SPTBN1: variants seen among roughly 807,000 people sequenced by gnomAD.
SPTBN1 encodes the protein spectrin beta chain, non-erythrocytic 1.
In SPTBN1, 32 loss-of-function variants were observed where a neutral mutation model predicts 266.4. That is an observed-to-expected ratio of 0.12 (90% CI 0.09 to 0.16). The LOEUF is 0.16. SPTBN1 is among the 10% of genes least tolerant of loss of function. The probability of loss-of-function intolerance (pLI) is 1.00; values close to 1 mark genes in which losing one functional copy is unlikely to be tolerated. For synonymous variants in SPTBN1, 1,336 were observed against 1,162.2 expected, an observed-to-expected ratio of 1.15 and a Z score of -3.04; for missense variants, 2,296 against 3,067.1, an observed-to-expected ratio of 0.75 and a Z score of 5.94.
chr2:54,526,693 CT>C, intron 2 of SPTBN1, 127 bp downstream of exon 2: 1 of 1,192,746 alleles, frequency 8.4e-7, no homozygotes, highest in Non-Finnish European at 1.1e-6. Flanking sequence ...TAAATGTGTC[CT>C]TGAGAGCCAG....
intron 1 of SPTBN1, among the ~76,000 whole-genome samples, chr2:54,491,651 GC>G (rs146225503): frequency 0.036 from 5,420 of 152,036 alleles, 274 homozygotes; most frequent in East Asian, 0.13. Flanking sequence ...GTGCAGTGGT[GC>G]AAACACACTT....
intron 1 of SPTBN1, among the ~76,000 whole-genome samples, chr2:54,489,959 G>A (rs1240569799): frequency 6.6e-6 from 1 of 152,090 alleles, no homozygotes; most frequent in Non-Finnish European, 1.5e-5. Context: ...TTCTAGCTGT[G>A]TTTCTATAAG....
At chr2:54,499,406 G>A (rs1669136127) in intron 1 of SPTBN1, among the ~76,000 whole-genome samples, 1 of 152,152 alleles carries the variant, frequency 6.6e-6, no homozygotes, top group Admixed American at 6.5e-5. Context: ...CATTCATGTA[G>A]TACTAAAAGT....
At chr2:54,588,645 TCACTAGTGCA>T (rs1421837970) in intron 2 of SPTBN1, among the ~76,000 whole-genome samples, 1 of 152,170 alleles carries the variant, frequency 6.6e-6, no homozygotes, top group Non-Finnish European at 1.5e-5. Context: ...TAATGCAGCA[TCACTAGTGCA>T]CACCTGGGCT....
At chr2:54,477,608 CATTACG>C (rs1232016977) in intron 1 of SPTBN1, among the ~76,000 whole-genome samples, 3 of 152,074 alleles carry the variant, frequency 2.0e-5, no homozygotes, top group African/African-American at 4.8e-5. Flanking sequence ...TTCCTGCTGC[CATTACG>C]ATTAAGACTG....
chr2:54,659,249 C>CGAGTCCCAGCAGCAGTGGT lies in SPTBN1; in HGVS notation c.6353_6356+15dup. 6.2e-7 allele frequency: 1 copy of CGAGTCCCAGCAGCAGTGGT among 1,613,992 alleles called. No individual in the cohort carries two copies. The highest frequency in any genetic ancestry group is 8.5e-7 in the Non-Finnish European group (1 of 1,179,976). Reference sequence around the variant, plus strand: ...CGAGCACGAAGGTTTCAGAGGAAGCCGAGTCCCAGCAGCAGTGGTGAGTCC... The same window carrying CGAGTCCCAGCAGCAGTGGT: ...CGAGCACGAAGGTTTCAGAGGAAGCCGAGTCCCAGCAGCAGTGGTGAGTCCCAGCAGCAGTGGTGAGTCC... On this transcript the variant is annotated frameshift_variant, in exon 31 of 36. Coordinates refer to ENST00000356805, the MANE Select transcript of SPTBN1 (RefSeq NM_003128.3). LOFTEE classifies it high-confidence loss of function.
chr2:54,610,856 CTG>C (rs1677160209), intron 3 of SPTBN1, among the ~76,000 whole-genome samples: 2 of 152,198 alleles, frequency 1.3e-5, no homozygotes, highest in East Asian at 1.9e-4. Context: ...GCACTAGACA[CTG>C]TGAAAAATAC....
At chr2:54,494,506 G>A (rs1266828637) in intron 1 of SPTBN1, among the ~76,000 whole-genome samples, 3 of 152,200 alleles carry the variant, frequency 2.0e-5, no homozygotes, top group Non-Finnish European at 4.4e-5. Flanking sequence ...TCCATCATGG[G>A]TGAATGGATA....
chr2:54,565,640 T>TA (rs1673613105), intron 2 of SPTBN1, among the ~76,000 whole-genome samples: 3 of 152,316 alleles, frequency 2.0e-5, no homozygotes, highest in Middle Eastern at 3.4e-3. Flanking sequence ...AATTTAACCT[T>TA]AAAAAACAAA....
At chr2:54,630,722 C>T in intron 15 of SPTBN1, 133 bp from the exon 16 acceptor site, 1 of 1,112,144 alleles carries the variant, frequency 9.0e-7, no homozygotes, top group Non-Finnish European at 1.2e-6. Context: ...AGATGATTTT[C>T]CAAAAAAGCA....
At position 54,645,217 on chromosome 2, in the gene SPTBN1, C is replaced by T; in HGVS notation, c.4270-12C>T. 1.2e-6 allele frequency: 2 copies of T among 1,613,916 alleles called. No individual in the cohort carries two copies. The highest frequency in any genetic ancestry group is 1.7e-6 in the Non-Finnish European group (2 of 1,179,832). The stretch of plus-strand genomic sequence containing the variant: ...TCTGTGCTGAGCGCTGAGGCTGCTT[C>T]TCTGCCCTCAGATGCTGGAGAATCA... On this transcript the variant is annotated splice_polypyrimidine_tract_variant and intron_variant, in intron 20 of 35. Coordinates refer to ENST00000356805, the MANE Select transcript of SPTBN1 (RefSeq NM_003128.3). This position sits in a 1 kb window ranked among gnomAD's most constrained non-coding sequence, Gnocchi z 4.3.
chr2:54,476,534 C>T lies in SPTBN1; in HGVS notation c.-48+20016C>T, dbSNP rs555515195. ...AGGCCTCTTTAGTGAAGGTCGTCTC[C>T]GAGCTGTTGTATCCTAACAGGCATT... On this transcript the variant is annotated intron_variant, in intron 1 of 35. Coordinates refer to ENST00000356805, the MANE Select transcript of SPTBN1 (RefSeq NM_003128.3). 1.6e-4 allele frequency among the ~76,000 whole-genome samples: 25 copies of T among 152,262 alleles called. No homozygotes were observed. The East Asian group carries it at 2.9e-3, about 18-fold the overall frequency.
chr2:54,624,627 A>C (rs1678208640), intron 10 of SPTBN1, among the ~76,000 whole-genome samples, 177 bp from the exon 11 acceptor site: 1 of 152,222 alleles, frequency 6.6e-6, no homozygotes, highest in African/African-American at 2.4e-5. Context: ...GGATACACTG[A>C]GAGAAAAACC....
chr2:54,572,654 A>C (rs1258568422), intron 2 of SPTBN1, among the ~76,000 whole-genome samples: 1 of 152,208 alleles, frequency 6.6e-6, no homozygotes, highest in Non-Finnish European at 1.5e-5. Context: ...CTTTACAAAA[A>C]ATCTTTGTTT....
chr2:54,599,029 A>T, intron 2 of SPTBN1, 63 bp from the exon 3 acceptor site: 2 of 1,578,146 alleles, frequency 1.3e-6, no homozygotes, highest in East Asian at 4.5e-5. Context: ...TGGCCCTGCT[A>T]GCATGTGCCT....
intron 1 of SPTBN1, among the ~76,000 whole-genome samples, chr2:54,465,167 G>A (rs1013418923): frequency 1.3e-5 from 2 of 152,196 alleles, no homozygotes; most frequent in African/African-American, 4.8e-5. Context: ...CAATGATACA[G>A]TGTGTAAGTT....
intron 12 of SPTBN1, among the ~76,000 whole-genome samples, chr2:54,627,636 A>C (rs998730628): frequency 6.6e-6 from 1 of 152,230 alleles, no homozygotes; most frequent in Non-Finnish European, 1.5e-5. Context: ...GCAACTTCTA[A>C]AAGATTTCTT....
chr2:54,490,015 A>G (rs1668602108), intron 1 of SPTBN1, among the ~76,000 whole-genome samples: 2 of 152,176 alleles, frequency 1.3e-5, no homozygotes, highest in South Asian at 4.1e-4. Flanking sequence ...GGTCTCACAG[A>G]ACACCCCAAA....
intron 1 of SPTBN1, among the ~76,000 whole-genome samples, chr2:54,482,038 A>G (rs1480853722): frequency 6.6e-6 from 1 of 152,154 alleles, no homozygotes; most frequent in Non-Finnish European, 1.5e-5. Context: ...GAGGTGTGGC[A>G]TAGTACCACA....
Sources: allele counts gnomAD v4.1 joint callset (sites outside exome capture counted in the v4.1 genomes callset), GRCh38; gene constraint gnomAD v4.1.1; non-coding constraint Gnocchi (gnomAD v3.1); transcripts MANE v1.5; gene names NCBI Gene and HGNC (gene_info 2026-07-23, HGNC 2026-07-21).